Variants in ARNT observed in about 807,000 individuals in gnomAD.
The protein encoded by ARNT is aryl hydrocarbon receptor nuclear translocator, also known as class E basic helix-loop-helix protein 2.
ARNT carries 30 observed loss-of-function variants against 105.0 expected under a neutral mutation model. The ratio of observed to expected loss-of-function variants is 0.29; its 90% confidence interval spans 0.21 to 0.39. The LOEUF (loss-of-function observed/expected upper bound fraction) is 0.39. Ranked by LOEUF, ARNT falls within the 10% of genes least tolerant of loss-of-function variation. ARNT has a pLI of 1.00. For synonymous variants in ARNT, 304 were observed against 344.0 expected, an observed-to-expected ratio of 0.88 and a Z score of 1.29; for missense variants, 748 against 978.7, an observed-to-expected ratio of 0.76 and a Z score of 3.15.
In ARNT at chr1:150,826,128, T is replaced by C. The variant is rs188804521; in HGVS notation, c.1242+415A>G. 2.0e-5 allele frequency among the ~76,000 whole-genome samples: 3 copies of C among 152,258 alleles called. No individual in the cohort carries two copies. The East Asian group carries it at 5.8e-4, about 29-fold the overall frequency. On this transcript the variant is annotated intron_variant, in intron 13 of 21. Transcript: ENST00000358595. ...TGGGGTTTCACTGTGTTGGCCAGGC[T>C]GGGCTTGAACTCCTGGCCTCAAGTG... is the stretch of plus-strand genomic sequence containing the variant.
intron 11 of ARNT, 90 bp from the exon 12 acceptor site, chr1:150,829,317 A>C (rs987006556): frequency 8.0e-6 from 11 of 1,368,898 alleles, no homozygotes; most frequent in Non-Finnish European, 1.1e-5. Context: ...CATAGACATA[A>C]GATTCCCAGT....
At chr1:150,870,538 C>T (rs988780577) in intron 1 of ARNT, among the ~76,000 whole-genome samples, 1 of 152,098 alleles carries the variant, frequency 6.6e-6, no homozygotes, top group South Asian at 2.1e-4. Context: ...CTCACTCTGT[C>T]TCCTAGTCAC....
chr1:150,834,852 C>A, intron 7 of ARNT: 3 of 464,378 alleles, frequency 6.5e-6, no homozygotes, highest in East Asian at 3.7e-5. Flanking sequence ...TCAAAGGCAG[C>A]ATTGAAAATA....
chr1:150,829,812 G>A (rs1571263444), intron 11 of ARNT, 92 bp downstream of exon 11: 1 of 1,342,694 alleles, frequency 7.4e-7, no homozygotes, highest in South Asian at 1.2e-5. Flanking sequence ...TTCTTCATTT[G>A]TATTCAGAAA....
chr1:150,823,042 G>T, intron 14 of ARNT, 152 bp downstream of exon 14: 1 of 630,984 alleles, frequency 1.6e-6, no homozygotes, highest in Non-Finnish European at 2.4e-6. Context: ...TCAGCCTCCA[G>T]AGTAGCTGGG....
intron 3 of ARNT, among the ~76,000 whole-genome samples, chr1:150,849,005 A>G (rs1662798983): frequency 6.6e-6 from 1 of 152,046 alleles, no homozygotes; most frequent in East Asian, 1.9e-4. Context: ...GCAGTTCAAG[A>G]CCAGCCTGAC....
intron 1 of ARNT, among the ~76,000 whole-genome samples, chr1:150,875,512 A>G (rs1396127586): frequency 6.6e-6 from 1 of 152,168 alleles, no homozygotes; most frequent in African/African-American, 2.4e-5. Context: ...ACACACACAC[A>G]TATCTCAAGG....
At chr1:150,844,517 T>C (rs1327512137) in intron 4 of ARNT, among the ~76,000 whole-genome samples, 1 of 152,204 alleles carries the variant, frequency 6.6e-6, no homozygotes, top group Non-Finnish European at 1.5e-5. Context: ...GTTCTTAAAG[T>C]ATGTTCCCGA....
At chr1:150,875,172 G>A (rs1014130818) in intron 1 of ARNT, among the ~76,000 whole-genome samples, 1 of 151,918 alleles carries the variant, frequency 6.6e-6, no homozygotes, top group Non-Finnish European at 1.5e-5. Flanking sequence ...TTGACATAAC[G>A]GCATTTTTCC....
At chr1:150,846,765 T>C (rs1662289335) in intron 3 of ARNT, among the ~76,000 whole-genome samples, 1 of 152,146 alleles carries the variant, frequency 6.6e-6, no homozygotes, top group African/African-American at 2.4e-5. Flanking sequence ...CAAACACCAT[T>C]TTCTCATTTC....
At chr1:150,865,318 A>T (rs1466304264) in intron 1 of ARNT, among the ~76,000 whole-genome samples, 1 of 152,188 alleles carries the variant, frequency 6.6e-6, no homozygotes, top group Non-Finnish European at 1.5e-5. Context: ...AAAGAATAAG[A>T]GAAGAAGAGC....
intron 1 of ARNT, among the ~76,000 whole-genome samples, chr1:150,873,688 G>A (rs1667819085): frequency 6.6e-6 from 1 of 152,138 alleles, no homozygotes. Flanking sequence ...GGAGGCTAAG[G>A]TGGGAGGATT....
In ARNT at chr1:150,824,532, G is replaced by A. The variant is rs780122714; in HGVS notation, c.1243-1187C>T. Among the ~76,000 whole-genome samples, 146 of 149,004 alleles carry A rather than the reference G, an allele frequency of 9.8e-4. 5 individuals carry two copies. The highest frequency in any genetic ancestry group is 1.5e-4 in the Non-Finnish European group (10 of 67,620). ...TGCAGTGGTGCAATCTTGGCTCACT[G>A]CAACCTCGCCTCCAGGGTTCAAGTG... On this transcript the variant is annotated intron_variant, in intron 13 of 21. Transcript: ENST00000358595.
At chr1:150,813,067 C>T (rs1487084636) in intron 21 of ARNT, 105 bp downstream of exon 21, 1 of 1,322,968 alleles carries the variant, frequency 7.6e-7, no homozygotes, top group Middle Eastern at 2.5e-4. Context: ...ACATATACCC[C>T]CAACCAAACA....
intron 13 of ARNT, among the ~76,000 whole-genome samples, chr1:150,825,555 A>G (rs1658037086): frequency 6.6e-6 from 1 of 152,274 alleles, no homozygotes; most frequent in South Asian, 2.1e-4. Context: ...ACTCATCCAT[A>G]AAAGAACAGT....
At chr1:150,875,630 T>C (rs1668127758) in intron 1 of ARNT, among the ~76,000 whole-genome samples, 1 of 152,198 alleles carries the variant, frequency 6.6e-6, no homozygotes, top group African/African-American at 2.4e-5. Flanking sequence ...ATGAAATGCC[T>C]TCTAAAGAGG....
At chr1:150,864,883 CAAA>C (rs587599690) in intron 1 of ARNT, among the ~76,000 whole-genome samples, 4 of 75,696 alleles carry the variant, frequency 5.3e-5, no homozygotes, top group East Asian at 4.6e-4. Context: ...TTCTTTAAAT[CAAA>C]AAAAAAAAAA....
intron 1 of ARNT, among the ~76,000 whole-genome samples, chr1:150,874,748 CAAAGAA>C (rs1241469234): frequency 6.6e-6 from 1 of 151,836 alleles, no homozygotes; most frequent in African/African-American, 2.4e-5. Flanking sequence ...GAAAGGAAAA[CAAAGAA>C]AAAGAAAAAG....
chr1:150,832,455 T>G, intron 8 of ARNT, 56 bp from the exon 9 acceptor site: 1 of 1,513,846 alleles, frequency 6.6e-7, no homozygotes. Context: ...CAAAGAACTT[T>G]CCACAGTAAT....
Sources: gnomAD v4.1 joint callset for allele counts (sites outside exome capture counted in the v4.1 genomes callset) on GRCh38, gnomAD v4.1.1 for gene constraint, MANE v1.5 for transcripts, NCBI Gene and HGNC (gene_info 2026-07-23, HGNC 2026-07-21) for gene names.